Variants in RELN observed in about 807,000 individuals in gnomAD.
RELN encodes reelin.
Under a neutral mutation model 427.6 loss-of-function variants are expected in RELN, and 108 were observed. That is an observed-to-expected ratio of 0.25 (90% CI 0.22 to 0.30). The LOEUF (loss-of-function observed/expected upper bound fraction) is 0.30, where lower values mean the gene tolerates loss of function less well. RELN is among the 10% of genes least tolerant of loss of function. The probability of loss-of-function intolerance (pLI) is 1.00; values close to 1 mark genes in which losing one functional copy is unlikely to be tolerated. For synonymous variants in RELN, 1,524 were observed against 1,513.4 expected (o/e 1.01, Z -0.16); for missense variants, 3,715 against 4,302.8 (o/e 0.86, Z 3.82).
At chr7:103,630,277 A>G in intron 19 of RELN, 101 bp from the exon 20 acceptor site, 1 of 819,576 alleles carries the variant, frequency 1.2e-6, no homozygotes, top group East Asian at 2.6e-5. Flanking sequence ...TATTAAAGAA[A>G]TAGTTCTCCC....
At chr7:103,570,713 C>T (rs1379738813) in intron 31 of RELN, among the ~76,000 whole-genome samples, 1 of 152,202 alleles carries the variant, frequency 6.6e-6, no homozygotes, top group African/African-American at 2.4e-5. Flanking sequence ...TGGCAACATC[C>T]AGAATCTACG....
chr7:103,989,166 T>C lies in RELN; in HGVS notation c.191A>G (p.Asn64Ser), dbSNP rs759805907. Reference sequence around the variant, plus strand: ...TTGTCCCGGAACGTAGTAGGTGGGGTTGCCCGCAATATGCAGGGAAATGAG... The same window carrying C: ...TTGTCCCGGAACGTAGTAGGTGGGGCTGCCCGCAATATGCAGGGAAATGAG... ...EVLISLHIAGNPTYYVPGQEY... is the reference protein window; with the variant it reads ...EVLISLHIAGSPTYYVPGQEY... Residue 64 changes from asparagine to serine, a missense_variant, in exon 1 of 65, where the codon AAC becomes AGC. This residue lies in a region of RELN where 2,208 missense variants were observed against 2,361.7 expected (regional missense o/e 0.93). Coordinates refer to ENST00000428762, the MANE Select transcript of RELN (RefSeq NM_005045.4). This position sits in a 1 kb window ranked among gnomAD's most constrained non-coding sequence, Gnocchi z 4.9. 2 of 1,613,696 alleles carry C rather than the reference T, an allele frequency of 1.2e-6. No individual in the cohort carries two copies. Among genetic ancestry groups the C allele is most frequent in the Non-Finnish European group, 8.5e-7 (1 of 1,179,916 alleles).
chr7:103,855,720 G>A (rs1279996522), intron 2 of RELN, among the ~76,000 whole-genome samples: 3 of 152,110 alleles, frequency 2.0e-5, no homozygotes, highest in Non-Finnish European at 4.4e-5. Flanking sequence ...AAGGTCCTGA[G>A]AGAGGATCTG....
chr7:103,630,070 C>T lies in RELN; in HGVS notation c.2572G>A (p.Glu858Lys). 6.2e-7 allele frequency: 1 copy of T among 1,613,160 alleles called. No individual in the cohort carries two copies. The highest frequency in any genetic ancestry group is 1.7e-5 in the Admixed American group (1 of 59,998). ...AAAAGCACAGATGTCATGATAATCTCATCAATAGCCCATACATCTTCTCTC... is the reference window on the plus strand; with the variant it reads ...AAAAGCACAGATGTCATGATAATCTTATCAATAGCCCATACATCTTCTCTC... ...SQREDVWAIDEIIMTSVLFNS... is the reference protein window; with the variant it reads ...SQREDVWAIDKIIMTSVLFNS... Residue 858 changes from glutamate (E) to lysine (K), a missense_variant, in exon 20 of 65, where the codon GAG (glutamate) becomes AAG (lysine). This residue lies in a region of RELN where 2,208 missense variants were observed against 2,361.7 expected (regional missense o/e 0.93). Coordinates refer to ENST00000428762, the MANE Select transcript of RELN (RefSeq NM_005045.4).
rs145763437 is a variant in RELN at position 103,837,812 on chromosome 7, C to T, written c.338-4140G>A. ...TCCCCAAGTTGTCCATGTGGGACAC[C>T]GCTTTTAATCTTTATATCCCAAGTG... On this transcript the variant is annotated intron_variant, in intron 2 of 64. Coordinates refer to ENST00000428762, the MANE Select transcript of RELN (RefSeq NM_005045.4). 6.9e-3 allele frequency among the ~76,000 whole-genome samples: 1,046 copies of T among 152,232 alleles called. 12 individuals carry two copies. Among genetic ancestry groups the T allele is most frequent in the African/African-American group, 0.023 (961 of 41,542 alleles).
chr7:103,795,095 T>C (rs768107612), intron 3 of RELN, among the ~76,000 whole-genome samples: 3 of 152,234 alleles, frequency 2.0e-5, no homozygotes, highest in Non-Finnish European at 4.4e-5. Flanking sequence ...TTTAATTATA[T>C]ATAATATTCC....
At chr7:103,737,443 G>C (rs1471973605) in intron 6 of RELN, among the ~76,000 whole-genome samples, 1 of 152,164 alleles carries the variant, frequency 6.6e-6, no homozygotes, top group African/African-American at 2.4e-5. Context: ...ACTAAATGGA[G>C]GAGTCTTCTG....
intron 63 of RELN, among the ~76,000 whole-genome samples, chr7:103,480,597 C>G (rs1437123634): frequency 6.6e-6 from 1 of 152,088 alleles, no homozygotes; most frequent in Non-Finnish European, 1.5e-5. Context: ...TGTTTTGAAA[C>G]AACTCATTTA....
chr7:103,551,015 G>C (rs1181632669), intron 41 of RELN, 52 bp downstream of exon 41: 1 of 1,455,732 alleles, frequency 6.9e-7, no homozygotes, highest in African/African-American at 1.4e-5. Flanking sequence ...ATGACTTCAG[G>C]AATAAACTGT....
At chr7:103,916,934 A>C in intron 2 of RELN, 141 bp downstream of exon 2, 2 of 727,574 alleles carry the variant, frequency 2.7e-6, no homozygotes, top group Non-Finnish European at 4.9e-6. Context: ...ACATCAAGCA[A>C]ACACACACAA....
At chr7:103,555,138 TTTAA>T (rs1441319972) in intron 38 of RELN, among the ~76,000 whole-genome samples, 1 of 152,108 alleles carries the variant, frequency 6.6e-6, no homozygotes, top group African/African-American at 2.4e-5. Flanking sequence ...AGACCAGGTG[TTTAA>T]GGAATATGTT....
intron 4 of RELN, among the ~76,000 whole-genome samples, chr7:103,776,061 C>T (rs1791731893): frequency 6.6e-6 from 1 of 152,220 alleles, no homozygotes; most frequent in Non-Finnish European, 1.5e-5. Flanking sequence ...TCACATATAT[C>T]TGACATTATG....
intron 1 of RELN, among the ~76,000 whole-genome samples, chr7:103,979,067 C>T (rs998211953): frequency 2.4e-4 from 36 of 152,168 alleles, no homozygotes; most frequent in African/African-American, 8.7e-4. Flanking sequence ...TCCTTTGAGT[C>T]GTTAAAGTCC....
intron 2 of RELN, among the ~76,000 whole-genome samples, chr7:103,860,876 A>C (rs1794057254): frequency 6.6e-6 from 1 of 152,200 alleles, no homozygotes; most frequent in African/African-American, 2.4e-5. Flanking sequence ...TGAAAAGTTC[A>C]TGACACCTTG....
chr7:103,930,244 T>C (rs968450948), intron 1 of RELN, among the ~76,000 whole-genome samples: 4 of 152,190 alleles, frequency 2.6e-5, no homozygotes, highest in Non-Finnish European at 4.4e-5. Flanking sequence ...CTTTCATCTA[T>C]CTGCACATGT....
At position 103,640,611 on chromosome 7, in the gene RELN, T is replaced by C; in HGVS notation, c.2003-2A>G. ...TGAGACATGACGGGCCAATATAAAC[T>C]GTGGGAGGGAAAAAGAGAACATAAT... On this transcript the variant is annotated splice_acceptor_variant, in intron 16 of 64. Transcript: ENST00000428762. LOFTEE classifies it high-confidence loss of function. The surrounding 1 kb of genome is among the most constrained non-coding windows in gnomAD (Gnocchi z 4.1). 1.2e-6 allele frequency: 2 copies of C among 1,613,630 alleles called. No individual in the cohort carries two copies. Among genetic ancestry groups the C allele is most frequent in the Non-Finnish European group, 1.7e-6 (2 of 1,179,782 alleles).
At chr7:103,608,478 T>A (rs953142294) in intron 22 of RELN, among the ~76,000 whole-genome samples, 1 of 152,170 alleles carries the variant, frequency 6.6e-6, no homozygotes, top group African/African-American at 2.4e-5. Context: ...TTACATATAC[T>A]TAAAGGTAAA....
At chr7:103,742,760 A>G (rs1790700982) in intron 6 of RELN, among the ~76,000 whole-genome samples, 1 of 152,232 alleles carries the variant, frequency 6.6e-6, no homozygotes, top group Non-Finnish European at 1.5e-5. Context: ...ATATGGGACT[A>G]TGTGAAAAGA....
intron 8 of RELN, among the ~76,000 whole-genome samples, chr7:103,716,224 C>T (rs548995646): frequency 6.6e-6 from 1 of 152,296 alleles, no homozygotes; most frequent in Admixed American, 6.5e-5. Flanking sequence ...CTCCCTCTTT[C>T]CTGGACTTTC....
Sources: gnomAD v4.1 joint callset for allele counts (sites outside exome capture counted in the v4.1 genomes callset) on GRCh38, gnomAD v4.1.1 for gene constraint, gnomAD v4.1.1 regional missense constraint, Gnocchi (gnomAD v3.1) non-coding constraint, MANE v1.5 for transcripts, NCBI Gene and HGNC (gene_info 2026-07-23, HGNC 2026-07-21) for gene names.